The following ETV6 variants were observed in gnomAD, a reference collection of about 807,000 sequenced individuals.
ETV6 encodes the protein transcription factor ETV6.
ETV6 carries 16 observed loss-of-function variants against 51.1 expected under a neutral mutation model. That is an observed-to-expected ratio of 0.31 (90% confidence interval 0.21 to 0.48). The LOEUF is 0.48. Among genes scored for constraint, ETV6 ranks in the 20% least tolerant of loss-of-function variants. The pLI is 0.99. For missense variants in ETV6, 458 were observed against 594.8 expected, an observed-to-expected ratio of 0.77 and a Z score of 2.39; for synonymous variants, 240 against 224.1, an observed-to-expected ratio of 1.07 and a Z score of -0.64.
rs541696730 is a variant in ETV6 at position 11,778,749 on chromosome 12, A to G, written c.163+26170A>G. Among the ~76,000 whole-genome samples, 5 of 152,314 alleles carry G rather than the reference A, an allele frequency of 3.3e-5. No homozygotes were observed. The South Asian group carries it at 1.0e-3, about 32-fold the overall frequency. On this transcript the variant is annotated intron_variant, in intron 2 of 7. Coordinates refer to ENST00000396373, the MANE Select transcript of ETV6 (RefSeq NM_001987.5). ...CCATTAAATTAGTCCAGTTATGTAC[A>G]CTGGGCTTGTATTGCATGGTTTATA...
chr12:11,749,872 A>G (rs1222599011), intron 1 of ETV6, among the ~76,000 whole-genome samples: 1 of 152,166 alleles, frequency 6.6e-6, no homozygotes, highest in Admixed American at 6.5e-5. Flanking sequence ...CTAGAAGCAC[A>G]TTGTGCATTT....
chr12:11,762,256 C>T (rs1296082901), intron 2 of ETV6, among the ~76,000 whole-genome samples: 1 of 152,250 alleles, frequency 6.6e-6, no homozygotes, highest in Non-Finnish European at 1.5e-5. Context: ...AGCCCCCTTT[C>T]TGGCCTGAGA....
At chr12:11,739,430 G>A (rs1865768010) in intron 1 of ETV6, among the ~76,000 whole-genome samples, 1 of 152,234 alleles carries the variant, frequency 6.6e-6, no homozygotes, top group Non-Finnish European at 1.5e-5. Context: ...GGTGAGTGCA[G>A]CAGAGAGATG....
chr12:11,660,121 GA>G (rs1864073154), intron 1 of ETV6, among the ~76,000 whole-genome samples: 1 of 152,250 alleles, frequency 6.6e-6, no homozygotes, highest in Non-Finnish European at 1.5e-5. Context: ...ACCCTGATCT[GA>G]TCATTACACA....
intron 2 of ETV6, among the ~76,000 whole-genome samples, chr12:11,782,115 A>T (rs1041398448): frequency 2.6e-5 from 4 of 152,238 alleles, no homozygotes; most frequent in African/African-American, 9.6e-5. Context: ...CATAAGAAAA[A>T]GTCAGGATAG....
chr12:11,776,763 T>A (rs1030076450), intron 2 of ETV6, among the ~76,000 whole-genome samples: 2 of 152,234 alleles, frequency 1.3e-5, no homozygotes, highest in African/African-American at 4.8e-5. Context: ...GTAAAGGACC[T>A]GAAAACACTT....
At chr12:11,848,205 C>T (rs1217535176) in intron 3 of ETV6, among the ~76,000 whole-genome samples, 1 of 152,146 alleles carries the variant, frequency 6.6e-6, no homozygotes, top group African/African-American at 2.4e-5. Context: ...CTTATAACAG[C>T]CCTGCCAAGT....
At chr12:11,754,837 T>C (rs927957733) in intron 2 of ETV6, among the ~76,000 whole-genome samples, 4 of 152,276 alleles carry the variant, frequency 2.6e-5, no homozygotes, top group African/African-American at 9.6e-5. Flanking sequence ...GATTACCCTG[T>C]AGCAGGCACT....
At chr12:11,777,391 T>C (rs1319505495) in intron 2 of ETV6, among the ~76,000 whole-genome samples, 3 of 152,080 alleles carry the variant, frequency 2.0e-5, no homozygotes, top group Non-Finnish European at 4.4e-5. Context: ...ATAGTTATTG[T>C]GGTTATCTCT....
In ETV6 at chr12:11,871,015, G is replaced by C. The variant is rs1946873199; in HGVS notation, c.1009+1046G>C. On this transcript the variant is annotated intron_variant, in intron 5 of 7. Transcript: ENST00000396373. ...TGAAGTGACTGTGCTTTCGATAGTG[G>C]GAAGGAGGCCTGGAGGCAGGAGAGA... Among the ~76,000 whole-genome samples, 5 of 152,200 alleles carry C rather than the reference G, an allele frequency of 3.3e-5. No homozygotes were observed. The South Asian group carries it at 1.0e-3, about 32-fold the overall frequency.
chr12:11,707,339 G>A (rs1434247392), intron 1 of ETV6, among the ~76,000 whole-genome samples: 1 of 152,230 alleles, frequency 6.6e-6, no homozygotes, highest in African/African-American at 2.4e-5. Context: ...CCTGCTAGAG[G>A]TGGTCTCCTG....
At chr12:11,752,204 A>G (rs1459235353) in intron 1 of ETV6, among the ~76,000 whole-genome samples, 3 of 152,108 alleles carry the variant, frequency 2.0e-5, no homozygotes, top group African/African-American at 4.8e-5. Context: ...ACCTATTGAC[A>G]TGAGTCCAAA....
intron 3 of ETV6, among the ~76,000 whole-genome samples, chr12:11,846,442 C>T (rs1480694958): frequency 6.6e-6 from 1 of 152,200 alleles, no homozygotes; most frequent in African/African-American, 2.4e-5. Flanking sequence ...AGTTGCAAAA[C>T]CCCCTGGGAG....
rs77214001 is a variant in ETV6, at chr12:11,843,586, A to C, written c.328+4282A>C. Among the ~76,000 whole-genome samples, 152 of 152,312 alleles carry C rather than the reference A, an allele frequency of 1.0e-3. 1 individual carries two copies. The highest frequency in any genetic ancestry group is 3.6e-3 in the African/African-American group (148 of 41,556). ...AACAATGTAGCTTTCTATGCTCTCT[A>C]TATATGGAAACAACATTCTTTAACA... On this transcript the variant is annotated intron_variant, in intron 3 of 7. Transcript: ENST00000396373.
intron 1 of ETV6, among the ~76,000 whole-genome samples, chr12:11,662,504 T>G (rs772349682): frequency 2.6e-5 from 4 of 152,250 alleles, no homozygotes; most frequent in African/African-American, 9.6e-5. Flanking sequence ...TTAGCCATCA[T>G]GTTGAACAGT....
chr12:11,720,010 G>T (rs1865352375), intron 1 of ETV6, among the ~76,000 whole-genome samples: 1 of 152,208 alleles, frequency 6.6e-6, no homozygotes, highest in South Asian at 2.1e-4. Context: ...CTCCCACCAT[G>T]CAGGAAATGC....
intron 2 of ETV6, among the ~76,000 whole-genome samples, chr12:11,823,184 C>T (rs2136438944): frequency 6.6e-6 from 1 of 152,282 alleles, no homozygotes; most frequent in East Asian, 1.9e-4. Context: ...TGGATCGCTC[C>T]TCCTAAGGGC....
chr12:11,727,716 G>A lies in ETV6; in HGVS notation c.34-24734G>A, dbSNP rs1055255193. Reference sequence around the variant, plus strand: ...TAGGTTGCATCACAGGCAGGGAAGAGGCCTAAGGGCCTGGTGGCCCGCAGG... The same window carrying A: ...TAGGTTGCATCACAGGCAGGGAAGAAGCCTAAGGGCCTGGTGGCCCGCAGG... On this transcript the variant is annotated intron_variant, in intron 1 of 7. Coordinates refer to ENST00000396373, the MANE Select transcript of ETV6 (RefSeq NM_001987.5). Among the ~76,000 whole-genome samples, 3 of 152,208 alleles carry A rather than the reference G, an allele frequency of 2.0e-5. No individual in the cohort carries two copies. In the South Asian group the frequency reaches 6.2e-4, roughly 32 times the overall value.
At chr12:11,800,680 C>G (rs1945734897) in intron 2 of ETV6, among the ~76,000 whole-genome samples, 1 of 152,146 alleles carries the variant, frequency 6.6e-6, no homozygotes, top group Non-Finnish European at 1.5e-5. Context: ...GCACCAGATT[C>G]ACCCATGTTG....
Sources: gnomAD v4.1 joint callset for allele counts (sites outside exome capture counted in the v4.1 genomes callset) on GRCh38, gnomAD v4.1.1 for gene constraint, MANE v1.5 for transcripts, NCBI Gene and HGNC (gene_info 2026-07-23, HGNC 2026-07-21) for gene names.